Variants in KHDRBS3 observed in about 807,000 individuals in gnomAD.
KHDRBS3 encodes the protein KH domain-containing, RNA-binding, signal transduction-associated protein 3.
In KHDRBS3, 23 loss-of-function variants were observed where a neutral mutation model predicts 45.6. The ratio of observed to expected loss-of-function variants is 0.50; its 90% CI spans 0.36 to 0.72. The LOEUF (loss-of-function observed/expected upper bound fraction) is 0.72, where lower values mean the gene tolerates loss of function less well. Among genes scored for constraint, KHDRBS3 ranks in the 30% least tolerant of loss-of-function variants. KHDRBS3 has a pLI of 0.00. For missense variants in KHDRBS3, 352 were observed against 424.8 expected (o/e 0.83, Z 1.51); for synonymous variants, 162 against 156.5 (o/e 1.04, Z -0.26).
chr8:135,561,958 G>C (rs1043828277), intron 5 of KHDRBS3, among the ~76,000 whole-genome samples: 1 of 151,924 alleles, frequency 6.6e-6, no homozygotes, highest in Admixed American at 6.6e-5. Context: ...GCCAAGTGTT[G>C]CTAGAAAAGA....
intron 2 of KHDRBS3, among the ~76,000 whole-genome samples, chr8:135,535,559 G>A (rs897846205): frequency 6.6e-6 from 1 of 151,634 alleles, no homozygotes; most frequent in African/African-American, 2.4e-5. Flanking sequence ...TTATGGGATA[G>A]AACAGTTATT....
intron 7 of KHDRBS3, among the ~76,000 whole-genome samples, chr8:135,621,186 TGA>T (rs1331470242): frequency 6.6e-6 from 1 of 152,124 alleles, no homozygotes; most frequent in African/African-American, 2.4e-5. Context: ...TTTTTTAATC[TGA>T]GTCTTGGTGT....
At chr8:135,526,202 G>T (rs1410576316) in intron 2 of KHDRBS3, among the ~76,000 whole-genome samples, 1 of 152,012 alleles carries the variant, frequency 6.6e-6, no homozygotes, top group Non-Finnish European at 1.5e-5. Context: ...GCATTTCTCG[G>T]AATGTGTTCA....
At chr8:135,473,833 C>T (rs1822135181) in intron 1 of KHDRBS3, among the ~76,000 whole-genome samples, 1 of 152,192 alleles carries the variant, frequency 6.6e-6, no homozygotes, top group Admixed American at 6.5e-5. Context: ...AGAAGACAGC[C>T]TTTAAGCCTC....
At chr8:135,525,741 T>A (rs1825147692) in intron 2 of KHDRBS3, among the ~76,000 whole-genome samples, 1 of 152,194 alleles carries the variant, frequency 6.6e-6, no homozygotes, top group African/African-American at 2.4e-5. Context: ...ATATTGATTC[T>A]TTGTGCTCAA....
At chr8:135,466,384 C>T (rs1464849000) in intron 1 of KHDRBS3, among the ~76,000 whole-genome samples, 1 of 152,110 alleles carries the variant, frequency 6.6e-6, no homozygotes, top group Non-Finnish European at 1.5e-5. Flanking sequence ...ATAACTTGTT[C>T]GAGGTCACAA....
At chr8:135,516,912 T>G (rs1019479628) in intron 1 of KHDRBS3, among the ~76,000 whole-genome samples, 4 of 152,116 alleles carry the variant, frequency 2.6e-5, no homozygotes, top group African/African-American at 9.7e-5. Context: ...CTTTAAAAAT[T>G]TTACATTACT....
chr8:135,626,803 CAAA>C (rs57231709), intron 7 of KHDRBS3, among the ~76,000 whole-genome samples: 1 of 91,124 alleles, frequency 1.1e-5, no homozygotes, highest in Non-Finnish European at 2.0e-5. Flanking sequence ...GACTCCGTCT[CAAA>C]AAAAAAAAAA....
rs548249553 is a variant in KHDRBS3, at chr8:135,604,812, G to A, written c.808-2143G>A. 7.9e-5 allele frequency among the ~76,000 whole-genome samples: 12 copies of A among 151,550 alleles called. No homozygotes were observed. In the South Asian group the frequency reaches 1.9e-3, roughly 24 times the overall value. On this transcript the variant is annotated intron_variant, in intron 6 of 8. Coordinates refer to ENST00000355849, the MANE Select transcript of KHDRBS3 (RefSeq NM_006558.3). The stretch of plus-strand genomic sequence containing the variant: ...ATACTATCTTTTATATTTACCTAAG[G>A]ATTTACCAGTGTTCTTTGTTTTTTT...
chr8:135,636,443 C>T (rs1197407673), intron 7 of KHDRBS3, among the ~76,000 whole-genome samples: 1 of 152,198 alleles, frequency 6.6e-6, no homozygotes, highest in Non-Finnish European at 1.5e-5. Flanking sequence ...CAATTTTACC[C>T]ACCACATAAA....
At chr8:135,626,855 T>C (rs1830394116) in intron 7 of KHDRBS3, among the ~76,000 whole-genome samples, 1 of 144,036 alleles carries the variant, frequency 6.9e-6, no homozygotes. Context: ...GCAGTTCTCA[T>C]AAGGAAAACA....
Position 135,581,936 on chromosome 8 carries a change from A to T in KHDRBS3, c.670A>T (p.Thr224Ser). Residue 224 changes from threonine (T) to serine (S), a missense_variant, in exon 6 of 9, where the codon ACT (threonine) becomes TCT (serine). Coordinates refer to ENST00000355849, the MANE Select transcript of KHDRBS3 (RefSeq NM_006558.3). ...VGVVVPRGTPTPRGVLSTRGP... is the reference protein window; with the variant it reads ...VGVVVPRGTPSPRGVLSTRGP... ...AGTTGTAGTACCACGAGGGACGCCAACTCCCAGAGGAGTCCTGTCCACCCG... is the reference window on the plus strand; with the variant it reads ...AGTTGTAGTACCACGAGGGACGCCATCTCCCAGAGGAGTCCTGTCCACCCG... 1 of 1,612,088 alleles carries T rather than the reference A, an allele frequency of 6.2e-7. No homozygotes were observed. Among genetic ancestry groups the T allele is most frequent in the Non-Finnish European group, 8.5e-7 (1 of 1,178,878 alleles).
At chr8:135,482,780 T>C (rs1822649977) in intron 1 of KHDRBS3, among the ~76,000 whole-genome samples, 4 of 152,148 alleles carry the variant, frequency 2.6e-5, no homozygotes, top group Non-Finnish European at 5.9e-5. Flanking sequence ...TGCAGCACTT[T>C]GCACCTCTGA....
chr8:135,523,974 TGCTGGATTC>T (rs1178038832), intron 2 of KHDRBS3, among the ~76,000 whole-genome samples: 2 of 152,190 alleles, frequency 1.3e-5, no homozygotes, highest in African/African-American at 4.8e-5. Flanking sequence ...TTTTATATAG[TGCTGGATTC>T]GGTTGCATCT....
chr8:135,543,498 A>G (rs1826142091), intron 3 of KHDRBS3, among the ~76,000 whole-genome samples: 1 of 152,204 alleles, frequency 6.6e-6, no homozygotes, highest in South Asian at 2.1e-4. Context: ...AATGTTGAAC[A>G]ATGATGTTTT....
intron 2 of KHDRBS3, among the ~76,000 whole-genome samples, chr8:135,522,820 A>C (rs1466468291): frequency 1.3e-5 from 2 of 152,210 alleles, no homozygotes; most frequent in Non-Finnish European, 2.9e-5. Flanking sequence ...GATAGATCTC[A>C]AATGAATTTT....
rs776902621 is a variant in KHDRBS3 at position 135,521,287 on chromosome 8, G to A, written c.139G>A (p.Asp47Asn). 11 of 1,613,514 alleles carry A rather than the reference G, an allele frequency of 6.8e-6. No individual in the cohort carries two copies. In the South Asian group the frequency reaches 9.9e-5, roughly 14 times the overall value. ...GEGKDEEKYI[D>N]VVINKNMKLG... ...AGGCAAGGATGAAGAAAAGTACATC[G>A]ATGTGGTGATTAATAAGAACATGAA... is the stretch of plus-strand genomic sequence containing the variant. The change falls in exon 2 of 9, where the codon GAT becomes AAT. Residue 47 changes from aspartate to asparagine, a missense_variant. Coordinates refer to ENST00000355849, the MANE Select transcript of KHDRBS3 (RefSeq NM_006558.3).
rs948189264 is a variant in KHDRBS3, at chr8:135,457,488, C to G, written c.-379C>G. 2.0e-5 allele frequency: 3 copies of G among 147,208 alleles called. No individual in the cohort carries two copies. The highest frequency in any genetic ancestry group is 3.0e-5 in the Non-Finnish European group (2 of 66,380). 9.1% of individuals were successfully genotyped at this position (147,208 alleles called of 1,614,324 possible). ...GCGGGGCGGCGCGCGGCGTGCAGGT[C>G]GCAGCTGTGGCTCGGGTGCTGGCAG... On this transcript the variant is annotated 5_prime_UTR_variant, in exon 1 of 9. Transcript: ENST00000355849. This position sits in a 1 kb window ranked among gnomAD's most constrained non-coding sequence, Gnocchi z 4.4.
chr8:135,553,790 A>G (rs1826736045), intron 4 of KHDRBS3, among the ~76,000 whole-genome samples: 2 of 152,296 alleles, frequency 1.3e-5, no homozygotes, highest in South Asian at 4.1e-4. Flanking sequence ...CTGCTTACAC[A>G]TATTTACTCA....
Sources: gnomAD v4.1 joint callset for allele counts (sites outside exome capture counted in the v4.1 genomes callset) on GRCh38, gnomAD v4.1.1 for gene constraint, Gnocchi (gnomAD v3.1) non-coding constraint, MANE v1.5 for transcripts, NCBI Gene and HGNC (gene_info 2026-07-23, HGNC 2026-07-21) for gene names.